The following CECR2 variants were observed in gnomAD, a reference collection of about 807,000 sequenced individuals.
CECR2 encodes CECR2 histone acetyl-lysine reader.
CECR2 carries 30 observed loss-of-function variants against 154.5 expected under a neutral mutation model. The observed-to-expected ratio is 0.19, with a 90% CI of 0.15 to 0.26. The LOEUF (loss-of-function observed/expected upper bound fraction) is 0.26. Among genes scored for constraint, CECR2 ranks in the 10% least tolerant of loss-of-function variants. CECR2 has a pLI of 1.00. For missense variants in CECR2, 1,743 were observed against 1,829.3 expected (o/e 0.95, Z 0.86); for synonymous variants, 725 against 683.7 (o/e 1.06, Z -0.94).
rs770571521 is a variant in CECR2, at chr22:17,499,569, G to A, written c.545+20G>A. ...GAGCAGGTATGTTCTTCAGTGTTAG[G>A]GCATGATAGCTACTGTATTAAAATG... On this transcript the variant is annotated intron_variant, in intron 4 of 18. Coordinates refer to ENST00000262608, the MANE Select transcript of CECR2 (RefSeq NM_001290047.2). 2.5e-6 allele frequency: 4 copies of A among 1,583,072 alleles called. No individual in the cohort carries two copies. Among genetic ancestry groups the A allele is most frequent in the Non-Finnish European group, 2.6e-6 (3 of 1,164,576 alleles).
At chr22:17,474,147 A>G (rs999513031) in intron 1 of CECR2, among the ~76,000 whole-genome samples, 2 of 152,102 alleles carry the variant, frequency 1.3e-5, no homozygotes, top group African/African-American at 4.8e-5. Flanking sequence ...CTGATTCTGC[A>G]TTTTAAGTTC....
At chr22:17,367,906 C>A (rs2063011168), upstream of CECR2, among the ~76,000 whole-genome samples, 1 of 152,134 alleles carries the variant, frequency 6.6e-6, no homozygotes, top group Non-Finnish European at 1.5e-5. Flanking sequence ...CATGTGAGCT[C>A]ATTTTTGCCA....
chr22:17,534,857 CA>C (rs551773727), intron 9 of CECR2: 47 of 125,912 alleles, frequency 3.7e-4, no homozygotes, highest in East Asian at 7.5e-4. Context: ...AACTCTGTCT[CA>C]AAAAAAAAAA....
At chr22:17,494,768 C>T (rs1429826144) in intron 2 of CECR2, among the ~76,000 whole-genome samples, 1 of 152,160 alleles carries the variant, frequency 6.6e-6, no homozygotes, top group African/African-American at 2.4e-5. Flanking sequence ...AATCTCGGCT[C>T]ACGGCAAACT....
chr22:17,536,371 C>T lies in CECR2; in HGVS notation c.1109-732C>T, dbSNP rs1458117954. On this transcript the variant is annotated intron_variant, in intron 9 of 18. Coordinates refer to ENST00000262608, the MANE Select transcript of CECR2 (RefSeq NM_001290047.2). ...CTTGCCTCTTTTCTTTGGCCCCTACCTCCTTGTTCCCTGCAAGTGGTAAGT... is the reference window on the plus strand; with the variant it reads ...CTTGCCTCTTTTCTTTGGCCCCTACTTCCTTGTTCCCTGCAAGTGGTAAGT... 2.6e-5 allele frequency among the ~76,000 whole-genome samples: 4 copies of T among 152,196 alleles called. No individual in the cohort carries two copies. In the East Asian group the frequency reaches 7.7e-4, roughly 29 times the overall value.
chr22:17,438,573 G>T (rs2054539622), intron 1 of CECR2, among the ~76,000 whole-genome samples: 1 of 152,120 alleles, frequency 6.6e-6, no homozygotes, highest in South Asian at 2.1e-4. Context: ...GGACGGCTTT[G>T]AATGAGGCCA....
intron 8 of CECR2, among the ~76,000 whole-genome samples, chr22:17,516,886 G>A (rs1049204761): frequency 5.3e-5 from 8 of 151,828 alleles, no homozygotes; most frequent in African/African-American, 1.2e-4. Flanking sequence ...GAGCCACTGC[G>A]CCCAGCTGAT....
At chr22:17,458,287 C>T (rs1433001784) in intron 1 of CECR2, among the ~76,000 whole-genome samples, 5 of 151,946 alleles carry the variant, frequency 3.3e-5, no homozygotes, top group South Asian at 4.2e-4. Context: ...TGGTGGCGGG[C>T]GCCTGTAATC....
intron 6 of CECR2, among the ~76,000 whole-genome samples, chr22:17,504,290 G>T (rs1253243302): frequency 2.6e-5 from 4 of 151,620 alleles, no homozygotes; most frequent in Non-Finnish European, 4.4e-5. Flanking sequence ...TGGGAAGATG[G>T]CTTGAGCCCA....
At position 17,544,459 on chromosome 22, in the gene CECR2, C is replaced by T. The variant is rs578007652; in HGVS notation, c.2860+1456C>T. 2.4e-3 allele frequency among the ~76,000 whole-genome samples: 337 copies of T among 141,408 alleles called. 6 individuals carry two copies. The highest frequency in any genetic ancestry group is 2.4e-3 in the South Asian group (11 of 4,530). 92.8% of individuals were successfully genotyped at this position (141,408 alleles called of 152,430 possible). A position where few individuals can be genotyped will look rare whatever the true frequency, so the allele number is the denominator to read the frequency against. On this transcript the variant is annotated intron_variant, in intron 16 of 18. Transcript: ENST00000262608. ...GTTGCAGTGAGCCGAGATTGTGCCA[C>T]TGCACTCCGGCCTGGGCGACAGAGC...
At chr22:17,423,310 G>A (rs971518940) in intron 1 of CECR2, among the ~76,000 whole-genome samples, 1 of 151,842 alleles carries the variant, frequency 6.6e-6, no homozygotes, top group East Asian at 1.9e-4. Flanking sequence ...CTTCCCCTGC[G>A]TCAGTTAGGC....
intron 1 of CECR2, among the ~76,000 whole-genome samples, chr22:17,385,369 G>A (rs139112691): frequency 1.5e-3 from 228 of 152,272 alleles, no homozygotes; most frequent in African/African-American, 5.3e-3. Flanking sequence ...GAGACATGGT[G>A]CTCTTCCTTA....
At chr22:17,435,154 G>A (rs1382136999) in intron 1 of CECR2, among the ~76,000 whole-genome samples, 1 of 152,098 alleles carries the variant, frequency 6.6e-6, no homozygotes, top group East Asian at 1.9e-4. Context: ...CAAGCAAAGG[G>A]AGATACCCAG....
intron 2 of CECR2, among the ~76,000 whole-genome samples, chr22:17,489,899 T>G (rs994216663): frequency 1.3e-5 from 2 of 151,828 alleles, no homozygotes; most frequent in Non-Finnish European, 2.9e-5. Flanking sequence ...TTTTTTTGCT[T>G]CTTTGGAGTA....
At chr22:17,505,560 GTC>G (rs1371630560) in intron 7 of CECR2, among the ~76,000 whole-genome samples, 193 of 78,436 alleles carry the variant, frequency 2.5e-3, no homozygotes, top group African/African-American at 0.01. Flanking sequence ...TTTTTTTTGA[GTC>G]TCTCTCTGTC....
chr22:17,450,684 A>G (rs539762007), intron 1 of CECR2, among the ~76,000 whole-genome samples: 19 of 152,348 alleles, frequency 1.2e-4, no homozygotes, highest in Admixed American at 5.2e-4. Flanking sequence ...CCTTCTATTT[A>G]ATAATAGTAC....
intron 1 of CECR2, among the ~76,000 whole-genome samples, chr22:17,451,093 G>A (rs1319028460): frequency 6.6e-6 from 1 of 152,218 alleles, no homozygotes; most frequent in African/African-American, 2.4e-5. Flanking sequence ...ATCCACCTCT[G>A]TGATTTGCCC....
At chr22:17,451,045 C>A (rs73876446) in intron 1 of CECR2, among the ~76,000 whole-genome samples, 6,749 of 152,310 alleles carry the variant, frequency 0.044, 246 homozygotes, top group South Asian at 0.13. Context: ...GTTCCCACTC[C>A]GTGTCAAAGA....
intron 17 of CECR2, among the ~76,000 whole-genome samples, chr22:17,550,670 C>T (rs906812143): frequency 8.5e-5 from 13 of 152,156 alleles, no homozygotes; most frequent in African/African-American, 2.2e-4. Context: ...CGGCCAGGCG[C>T]GGTGGCTCAC....
Sources: gnomAD v4.1 joint callset for allele counts (sites outside exome capture counted in the v4.1 genomes callset) on GRCh38, gnomAD v4.1.1 for gene constraint, MANE v1.5 for transcripts, NCBI Gene and HGNC (gene_info 2026-07-23, HGNC 2026-07-21) for gene names.